EYS: variants seen among roughly 807,000 people sequenced by gnomAD.
The protein encoded by EYS is EGF-like photoreceptor maintenance factor.
EYS carries 250 observed loss-of-function variants against 282.1 expected under a neutral mutation model. That is an observed-to-expected ratio of 0.89 (90% CI 0.80 to 0.98). The LOEUF (loss-of-function observed/expected upper bound fraction) is 0.98, where lower values mean the gene tolerates loss of function less well. Among genes scored for constraint, EYS ranks in the 50% least tolerant of loss-of-function variants. The pLI is 0.00. For missense variants in EYS, 4,016 were observed against 3,709.0 expected (o/e 1.08, Z -2.15); for synonymous variants, 1,355 against 1,282.9 (o/e 1.06, Z -1.20).
At chr6:64,698,020 A>G (rs553706915) in intron 22 of EYS, among the ~76,000 whole-genome samples, 1 of 152,302 alleles carries the variant, frequency 6.6e-6, no homozygotes, top group Non-Finnish European at 1.5e-5. Context: ...ATAAAACTAG[A>G]AATCACTTCC....
intron 12 of EYS, among the ~76,000 whole-genome samples, chr6:65,232,553 C>A (rs1766810504): frequency 6.6e-6 from 1 of 152,000 alleles, no homozygotes; most frequent in Non-Finnish European, 1.5e-5. Context: ...TGAAAAGTTA[C>A]AAAGATTGCA....
intron 29 of EYS, among the ~76,000 whole-genome samples, chr6:64,380,069 T>C (rs868653780): frequency 1.3e-5 from 2 of 151,680 alleles, no homozygotes; most frequent in Non-Finnish European, 2.9e-5. Flanking sequence ...TATTAAAATA[T>C]AGATTTTCCC....
At chr6:63,945,598 A>G (rs1434657343) in intron 35 of EYS, among the ~76,000 whole-genome samples, 1 of 152,226 alleles carries the variant, frequency 6.6e-6, no homozygotes, top group East Asian at 1.9e-4. Flanking sequence ...ATACTTAATT[A>G]TTGCACATTA....
intron 31 of EYS, 147 bp from the exon 32 acceptor site, chr6:64,082,149 T>C: frequency 1.8e-6 from 1 of 553,756 alleles, no homozygotes; most frequent in East Asian, 3.0e-5. Flanking sequence ...ACTTTAGATA[T>C]AAAGTGTAAT....
At chr6:64,760,554 G>A (rs1235281266) in intron 22 of EYS, among the ~76,000 whole-genome samples, 1 of 152,156 alleles carries the variant, frequency 6.6e-6, no homozygotes, top group Admixed American at 6.5e-5. Context: ...AGGTTGCTAT[G>A]AGAAATGACA....
rs1770327118 is a variant in EYS at position 64,324,286 on chromosome 6, G to A, written c.6079-17204C>T. 2.6e-5 allele frequency among the ~76,000 whole-genome samples: 4 copies of A among 152,140 alleles called. No homozygotes were observed. The South Asian group carries it at 8.3e-4, about 32-fold the overall frequency. ...GCAGATCAAAAAGTTAATTCACCATGATGAGGTAGGCTTTATTTTTGGGAT... is the reference window on the plus strand; with the variant it reads ...GCAGATCAAAAAGTTAATTCACCATAATGAGGTAGGCTTTATTTTTGGGAT... On this transcript the variant is annotated intron_variant, in intron 29 of 42. Coordinates refer to ENST00000503581, the MANE Select transcript of EYS (RefSeq NM_001142800.2).
intron 22 of EYS, among the ~76,000 whole-genome samples, chr6:64,683,509 A>G (rs1288858778): frequency 6.6e-6 from 1 of 152,212 alleles, no homozygotes; most frequent in African/African-American, 2.4e-5. Flanking sequence ...GGCAAAAGAA[A>G]CTATCAGTGA....
chr6:65,545,229 T>C lies in EYS; in HGVS notation c.-332-49236A>G, dbSNP rs1167396601. On this transcript the variant is annotated intron_variant, in intron 2 of 42. Transcript: ENST00000503581. ...CGAGCCACTGTTCCTGGCCTAGATT[T>C]TTTTTATTCTGTTTTTTTTTTTTCT... is the stretch of plus-strand genomic sequence containing the variant. Among the ~76,000 whole-genome samples the C allele has an allele frequency of 7.8e-5, 6 of 77,026 alleles. No homozygotes were observed. The Admixed American group carries it at 1.0e-3, about 13-fold the overall frequency. 50.5% of individuals were successfully genotyped at this position (77,026 alleles called of 152,430 possible).
chr6:64,942,985 CCTAATA>C (rs1769148480), intron 15 of EYS, among the ~76,000 whole-genome samples: 1 of 151,982 alleles, frequency 6.6e-6, no homozygotes, highest in African/African-American at 2.4e-5. Context: ...TACTAGGAAG[CCTAATA>C]TGGCAGCACA....
intron 13 of EYS, among the ~76,000 whole-genome samples, chr6:65,053,032 C>A (rs2150155413): frequency 6.6e-6 from 1 of 151,806 alleles, no homozygotes; most frequent in South Asian, 2.1e-4. Context: ...AATTTTAGTA[C>A]TAGAAACTAA....
chr6:64,829,740 A>G (rs747974030), intron 19 of EYS, among the ~76,000 whole-genome samples: 7 of 151,978 alleles, frequency 4.6e-5, no homozygotes, highest in Non-Finnish European at 2.9e-5. Context: ...TCATTATATG[A>G]TGCTTTGTTC....
intron 2 of EYS, among the ~76,000 whole-genome samples, chr6:65,504,741 A>G (rs1340657594): frequency 1.3e-5 from 2 of 151,540 alleles, no homozygotes; most frequent in Non-Finnish European, 3.0e-5. Flanking sequence ...TGTGGAATAA[A>G]TTACTGTTTA....
chr6:64,954,268 C>T (rs1318163582), intron 14 of EYS, among the ~76,000 whole-genome samples: 4 of 149,202 alleles, frequency 2.7e-5, no homozygotes, highest in Admixed American at 1.3e-4. Context: ...CCTTTAATGT[C>T]GGTTTAAAAA....
chr6:64,186,758 G>A lies in EYS; in HGVS notation c.6424+43834C>T, dbSNP rs549510991. Among the ~76,000 whole-genome samples, 9 of 152,208 alleles carry A rather than the reference G, an allele frequency of 5.9e-5. No homozygotes were observed. In the East Asian group the frequency reaches 1.2e-3, roughly 20 times the overall value. ...TTGGTTCTCTCAGAGGAACGAAACT[G>A]AAGTGGCAAAAAGGACTCTTTCAGT... On this transcript the variant is annotated intron_variant, in intron 31 of 42. Transcript: ENST00000503581.
At chr6:64,369,121 G>A (rs1240397272) in intron 29 of EYS, among the ~76,000 whole-genome samples, 1 of 152,040 alleles carries the variant, frequency 6.6e-6, no homozygotes, top group Non-Finnish European at 1.5e-5. Flanking sequence ...TTCTGCATAT[G>A]GCTATTCCAG....
chr6:64,114,752 T>C (rs962604018), intron 31 of EYS, among the ~76,000 whole-genome samples: 7 of 152,242 alleles, frequency 4.6e-5, no homozygotes, highest in South Asian at 2.1e-4. Context: ...GTCTCCTTAG[T>C]GTTTGTAGGC....
intron 5 of EYS, among the ~76,000 whole-genome samples, chr6:65,425,162 A>T (rs539687647): frequency 6.6e-6 from 1 of 152,206 alleles, no homozygotes; most frequent in Non-Finnish European, 1.5e-5. Context: ...TATTCTTTCA[A>T]CAGGGAAGGA....
At chr6:65,016,076 A>AG (rs1772038258) in intron 13 of EYS, among the ~76,000 whole-genome samples, 1 of 146,756 alleles carries the variant, frequency 6.8e-6, no homozygotes, top group South Asian at 2.2e-4. Flanking sequence ...AAAAAGAAAA[A>AG]AAAAAAAACA....
chr6:65,279,003 C>T (rs1318931691), intron 12 of EYS, among the ~76,000 whole-genome samples: 1 of 151,850 alleles, frequency 6.6e-6, no homozygotes, highest in African/African-American at 2.4e-5. Context: ...AGGCTGGCCA[C>T]CATGGCTAAA....
Sources: allele counts gnomAD v4.1 joint callset (sites outside exome capture counted in the v4.1 genomes callset), GRCh38; gene constraint gnomAD v4.1.1; transcripts MANE v1.5; gene names NCBI Gene and HGNC (gene_info 2026-07-23, HGNC 2026-07-21).